RFX3: variants seen among roughly 807,000 people sequenced by gnomAD.
RFX3 encodes the protein transcription factor RFX3.
In RFX3, 14 loss-of-function variants were observed where a neutral mutation model predicts 98.6. The ratio of observed to expected loss-of-function variants is 0.14; its 90% CI spans 0.09 to 0.22. The LOEUF (loss-of-function observed/expected upper bound fraction) is 0.22, where lower values mean the gene tolerates loss of function less well. Ranked by LOEUF, RFX3 falls within the 10% of genes least tolerant of loss-of-function variation. RFX3 has a pLI of 1.00. For missense variants in RFX3, 639 were observed against 926.9 expected, an observed-to-expected ratio of 0.69 and a Z score of 4.03; for synonymous variants, 383 against 328.4, an observed-to-expected ratio of 1.17 and a Z score of -1.80.
rs185983610 is a variant in RFX3, at chr9:3,412,049, T to G, written c.-8-16453A>C. On this transcript the variant is annotated intron_variant, in intron 1 of 16. Coordinates refer to ENST00000617270, the MANE Select transcript of RFX3 (RefSeq NM_001282116.2). ...CATCAAAAATAACAGCTAAGCTATT[T>G]TCAGTACTTAGACGTAAGCCACATG... Among the ~76,000 whole-genome samples the G allele has an allele frequency of 1.7e-3, 252 of 152,308 alleles. 2 individuals are homozygous for G. The highest frequency in any genetic ancestry group is 5.8e-3 in the African/African-American group (240 of 41,558).
At chr9:3,524,988 TGG>T (rs539910347) in intron 1 of RFX3, among the ~76,000 whole-genome samples, 5 of 93,758 alleles carry the variant, frequency 5.3e-5, no homozygotes, top group Non-Finnish European at 1.2e-4. Flanking sequence ...AAGGGGTGTG[TGG>T]GGGGGGGGAG....
At chr9:3,252,533 G>A (rs995197486) in intron 14 of RFX3, among the ~76,000 whole-genome samples, 1 of 152,188 alleles carries the variant, frequency 6.6e-6, no homozygotes, top group African/African-American at 2.4e-5. Flanking sequence ...CTGGCAGAAA[G>A]GAGAGCAAAT....
chr9:3,330,331 G>C lies in RFX3; in HGVS notation c.402C>G (p.Thr134=), dbSNP rs760765743. ...TCTCCATTGAGTTGCCGATCAGATAGGTTCCTCCAGAGCTGCTGATGAGTT... is the reference window on the plus strand; with the variant it reads ...TCTCCATTGAGTTGCCGATCAGATACGTTCCTCCAGAGCTGCTGATGAGTT... ...GGQLISSSGG[T]YLIGNSMENS... The change falls in exon 4 of 17, where the codon ACC becomes ACG. Residue 134 remains threonine (T), a synonymous_variant. Coordinates refer to ENST00000617270, the MANE Select transcript of RFX3 (RefSeq NM_001282116.2). The C allele has an allele frequency of 6.2e-6, 10 of 1,614,122 alleles. No individual in the cohort carries two copies. The highest frequency in any genetic ancestry group is 6.8e-6 in the Non-Finnish European group (8 of 1,180,000).
intron 4 of RFX3, among the ~76,000 whole-genome samples, chr9:3,308,688 G>A (rs1043432232): frequency 1.3e-5 from 2 of 152,174 alleles, no homozygotes; most frequent in Non-Finnish European, 2.9e-5. Context: ...GCAACTTGCT[G>A]AGAGAGTGGT....
At chr9:3,432,282 A>G (rs1844723146) in intron 1 of RFX3, among the ~76,000 whole-genome samples, 1 of 152,140 alleles carries the variant, frequency 6.6e-6, no homozygotes, top group African/African-American at 2.4e-5. Context: ...ACTTGCCCCC[A>G]AACACATTAT....
At chr9:3,256,871 T>C in intron 14 of RFX3, 120 bp downstream of exon 14, 2 of 893,272 alleles carry the variant, frequency 2.2e-6, no homozygotes, top group Admixed American at 4.3e-5. Context: ...AACAGGGAGT[T>C]TCCACAAACT....
chr9:3,345,201 T>C (rs1372280325), intron 3 of RFX3, among the ~76,000 whole-genome samples: 1 of 151,928 alleles, frequency 6.6e-6, no homozygotes, highest in African/African-American at 2.4e-5. Flanking sequence ...TGTCTGTCTA[T>C]AAAGATCACA....
At chr9:3,415,406 G>A (rs1319496305) in intron 1 of RFX3, among the ~76,000 whole-genome samples, 2 of 151,280 alleles carry the variant, frequency 1.3e-5, no homozygotes, top group Non-Finnish European at 2.9e-5. Context: ...CACCACACCT[G>A]GCCAATGATT....
At chr9:3,274,156 T>C (rs1313161695) in intron 9 of RFX3, among the ~76,000 whole-genome samples, 1 of 152,170 alleles carries the variant, frequency 6.6e-6, no homozygotes, top group Non-Finnish European at 1.5e-5. Flanking sequence ...CATGTTGTGT[T>C]AATAAGGAGA....
rs1174158188 is a variant in RFX3, at chr9:3,223,238, T to C, written c.*1804A>G. ...ATTTAAATGAACAGATGTGCCTTTC[T>C]TGTGTTTTAATCATTAAATAATTTG... On this transcript the variant is annotated 3_prime_UTR_variant, in exon 17 of 17. Transcript: ENST00000617270. 1.3e-5 allele frequency: 2 copies of C among 152,224 alleles called. No homozygotes were observed. Among genetic ancestry groups the C allele is most frequent in the Non-Finnish European group, 2.9e-5 (2 of 68,044 alleles). 9.4% of individuals were successfully genotyped at this position (152,224 alleles called of 1,614,324 possible). A position where few individuals can be genotyped will look rare whatever the true frequency, so the allele number is the denominator to read the frequency against.
intron 3 of RFX3, among the ~76,000 whole-genome samples, chr9:3,331,565 T>C (rs73381853): frequency 1.3e-5 from 2 of 152,178 alleles, no homozygotes; most frequent in African/African-American, 4.8e-5. Context: ...TTTTCAGATC[T>C]GTCTTATATA....
At chr9:3,414,336 A>G (rs954805859) in intron 1 of RFX3, among the ~76,000 whole-genome samples, 13 of 152,076 alleles carry the variant, frequency 8.5e-5, no homozygotes, top group African/African-American at 1.4e-4. Context: ...GAGAATGTCA[A>G]TCTTAAGAGT....
rs750224777 is a variant in RFX3, at chr9:3,395,541, T to C, written c.48A>G (p.Leu16=). 1.2e-6 allele frequency: 2 copies of C among 1,614,154 alleles called. No homozygotes were observed. Among genetic ancestry groups the C allele is most frequent in the Non-Finnish European group, 1.7e-6 (2 of 1,179,998 alleles). The change falls in exon 2 of 17, where the codon TTA becomes TTG. Residue 16 remains leucine, a synonymous_variant. Transcript: ENST00000617270. ...TGSDTGSTVT[L]QTSVASQAAV... is the part of the protein sequence containing the mutation. ...CTGCTTGACTAGCCACAGATGTTTG[T>C]AAGGTCACTGTCGAGCCTGTGTCCG...
At chr9:3,271,754 G>C (rs1196608736) in intron 9 of RFX3, among the ~76,000 whole-genome samples, 1 of 152,152 alleles carries the variant, frequency 6.6e-6, no homozygotes, top group African/African-American at 2.4e-5. Flanking sequence ...GTGGCAGATG[G>C]AGTTAGGGCT....
intron 16 of RFX3, among the ~76,000 whole-genome samples, chr9:3,228,232 C>A (rs942817724): frequency 2.6e-5 from 4 of 152,164 alleles, no homozygotes; most frequent in African/African-American, 4.8e-5. Flanking sequence ...TCTATCTCCC[C>A]CTAAGTCCAC....
chr9:3,521,455 T>G (rs1182256085), intron 1 of RFX3, among the ~76,000 whole-genome samples: 1 of 152,160 alleles, frequency 6.6e-6, no homozygotes, highest in African/African-American at 2.4e-5. Flanking sequence ...AAATAAAAGT[T>G]CTAGTGAGTT....
chr9:3,393,347 C>A (rs1001480098), intron 2 of RFX3, among the ~76,000 whole-genome samples: 1 of 151,818 alleles, frequency 6.6e-6, no homozygotes, highest in South Asian at 2.1e-4. Flanking sequence ...CTATTAAGAC[C>A]TGGTGTAAAT....
intron 1 of RFX3, among the ~76,000 whole-genome samples, chr9:3,467,134 ATATG>A (rs909567550): frequency 2.2e-4 from 31 of 143,402 alleles, no homozygotes; most frequent in African/African-American, 6.5e-4. Context: ...ATGTAAGTAT[ATATG>A]TATATACATA....
At chr9:3,374,868 T>TAA (rs71324246) in intron 2 of RFX3, among the ~76,000 whole-genome samples, 4,036 of 148,648 alleles carry the variant, frequency 0.027, 85 homozygotes, top group African/African-American at 0.063. Flanking sequence ...AAATACAGGT[T>TAA]AAAAAAAAAA....
Sources: allele counts gnomAD v4.1 joint callset (sites outside exome capture counted in the v4.1 genomes callset), GRCh38; gene constraint gnomAD v4.1.1; transcripts MANE v1.5; gene names NCBI Gene and HGNC (gene_info 2026-07-23, HGNC 2026-07-21).